The following ATRNL1 variants were observed in gnomAD, a reference collection of about 807,000 sequenced individuals.
ATRNL1 encodes attractin like 1, also known as attractin-like protein 1.
ATRNL1 carries 95 observed loss-of-function variants against 182.7 expected under a neutral mutation model. The observed-to-expected ratio is 0.52, with a 90% CI of 0.44 to 0.62. The LOEUF is 0.62. ATRNL1 is among the 20% of genes least tolerant of loss of function. The pLI, the probability that ATRNL1 is intolerant of heterozygous loss-of-function variation, is 0.00. For synonymous variants in ATRNL1, 576 were observed against 568.3 expected, an observed-to-expected ratio of 1.01 and a Z score of -0.19; for missense variants, 1,471 against 1,679.5, an observed-to-expected ratio of 0.88 and a Z score of 2.17.
In ATRNL1 at chr10:115,686,546, C is replaced by CT. The variant is rs546193834; in HGVS notation, c.3796-40701dup. On this transcript the variant is annotated intron_variant, in intron 26 of 28. Transcript: ENST00000355044. The stretch of plus-strand genomic sequence containing the variant: ...ATGTAAAAGCTAAGTGGCAGATACT[C>CT]TATCTTATTTATCTTTTCATCACTA... 3.9e-4 allele frequency among the ~76,000 whole-genome samples: 59 copies of CT among 152,108 alleles called. 1 individual carries two copies. The South Asian group carries it at 0.012, about 30-fold the overall frequency.
At chr10:115,895,773 T>C (rs1952191159) in intron 28 of ATRNL1, among the ~76,000 whole-genome samples, 1 of 152,190 alleles carries the variant, frequency 6.6e-6, no homozygotes, top group African/African-American at 2.4e-5. Context: ...GAACACCTAA[T>C]TGTATCCAAG....
At chr10:115,117,026 C>T (rs1270851258) in intron 1 of ATRNL1, among the ~76,000 whole-genome samples, 1 of 151,820 alleles carries the variant, frequency 6.6e-6, no homozygotes, top group Non-Finnish European at 1.5e-5. Flanking sequence ...TATGGTAGCT[C>T]CTACAATATA....
At chr10:115,876,960 GTAGACAA>G (rs1951714387) in intron 28 of ATRNL1, among the ~76,000 whole-genome samples, 1 of 152,174 alleles carries the variant, frequency 6.6e-6, no homozygotes, top group African/African-American at 2.4e-5. Context: ...AAAAGGAATA[GTAGACAA>G]TTAGAAGCAT....
chr10:115,379,086 C>G (rs1857840230), intron 19 of ATRNL1, among the ~76,000 whole-genome samples: 1 of 151,496 alleles, frequency 6.6e-6, no homozygotes, highest in African/African-American at 2.4e-5. Flanking sequence ...TTTTTTTATC[C>G]TTATTGTTTG....
At chr10:115,590,882 T>A (rs1037148864) in intron 26 of ATRNL1, among the ~76,000 whole-genome samples, 2 of 152,170 alleles carry the variant, frequency 1.3e-5, no homozygotes, top group Admixed American at 1.3e-4. Context: ...CCTGTGTGAG[T>A]GGCAAATCTT....
chr10:115,362,414 G>A (rs958923026), intron 19 of ATRNL1, among the ~76,000 whole-genome samples: 1 of 151,736 alleles, frequency 6.6e-6, no homozygotes, highest in South Asian at 2.1e-4. Flanking sequence ...ATATATTGTG[G>A]AATGCTTAAA....
intron 28 of ATRNL1, among the ~76,000 whole-genome samples, chr10:115,940,687 CTCTCTCTCTCT>C (rs528791142): frequency 8.5e-3 from 512 of 60,062 alleles, no homozygotes; most frequent in African/African-American, 0.058. Context: ...CTCTCTCTCT[CTCTCTCTCTCT>C]TCTCTCTCTC....
rs1854829863 is a variant in ATRNL1 at position 115,577,985 on chromosome 10, TG to T, written c.3795+28450del. Reference sequence around the variant, plus strand: ...TGAACAGATACTGAACTTTGTCAAATGCTTTTACTGTATCTTTGACTTGATC... The same window carrying T: ...TGAACAGATACTGAACTTTGTCAAATCTTTTACTGTATCTTTGACTTGATC... On this transcript the variant is annotated intron_variant, in intron 26 of 28. Transcript: ENST00000355044. Among the ~76,000 whole-genome samples, 5 of 151,798 alleles carry T rather than the reference TG, an allele frequency of 3.3e-5. No homozygotes were observed. In the South Asian group the frequency reaches 1.0e-3, roughly 31 times the overall value.
At chr10:115,651,663 T>C (rs1555034363) in intron 26 of ATRNL1, among the ~76,000 whole-genome samples, 2 of 152,180 alleles carry the variant, frequency 1.3e-5, no homozygotes. Flanking sequence ...GTGAAACTAA[T>C]ACAGCTTACG....
chr10:115,435,029 C>CT (rs34902658), intron 21 of ATRNL1, among the ~76,000 whole-genome samples: 3,399 of 130,942 alleles, frequency 0.026, 73 homozygotes, highest in African/African-American at 0.044. Context: ...AAACCTGGGA[C>CT]TTTTTTTTTT....
intron 27 of ATRNL1, among the ~76,000 whole-genome samples, chr10:115,749,134 T>C (rs989021421): frequency 6.6e-6 from 1 of 151,956 alleles, no homozygotes; most frequent in Non-Finnish European, 1.5e-5. Context: ...CAAACTAGAA[T>C]AGAATACTAT....
chr10:115,814,724 A>T (rs181847219), intron 27 of ATRNL1, among the ~76,000 whole-genome samples: 1 of 152,296 alleles, frequency 6.6e-6, no homozygotes, highest in Admixed American at 6.5e-5. Context: ...TTGACAAAGC[A>T]CTTTCATTTT....
intron 5 of ATRNL1, among the ~76,000 whole-genome samples, chr10:115,152,337 C>A (rs117297026): frequency 0.21 from 31,833 of 152,122 alleles, 4,278 homozygotes; most frequent in Non-Finnish European, 0.3. Context: ...TTGATTCTCC[C>A]TGTCCACGAG....
chr10:115,279,532 A>G (rs1592371372), intron 13 of ATRNL1, among the ~76,000 whole-genome samples: 1 of 152,310 alleles, frequency 6.6e-6, no homozygotes, highest in Non-Finnish European at 1.5e-5. Context: ...CAAAGCAACC[A>G]TGTTATCTAA....
At chr10:115,261,744 A>C (rs553294624) in intron 10 of ATRNL1, among the ~76,000 whole-genome samples, 2 of 152,236 alleles carry the variant, frequency 1.3e-5, no homozygotes, top group South Asian at 4.1e-4. Context: ...AAAACTGAAC[A>C]TTAGCTGAGT....
intron 8 of ATRNL1, among the ~76,000 whole-genome samples, chr10:115,181,204 G>T (rs1440049945): frequency 6.6e-6 from 1 of 151,816 alleles, no homozygotes; most frequent in African/African-American, 2.4e-5. Flanking sequence ...ACAACTAAAT[G>T]TGCAAATGTT....
At chr10:115,619,371 A>G (rs2804237) in intron 26 of ATRNL1, among the ~76,000 whole-genome samples, 45,468 of 151,960 alleles carry the variant, frequency 0.3, 7,909 homozygotes, top group East Asian at 0.68. Flanking sequence ...AGCCCCTAGT[A>G]CCAGAGGTGC....
chr10:115,576,674 A>G (rs1476262826), intron 26 of ATRNL1, among the ~76,000 whole-genome samples: 3 of 152,064 alleles, frequency 2.0e-5, no homozygotes, highest in African/African-American at 4.8e-5. Flanking sequence ...TTTTCTCCCA[A>G]TCCATTAACT....
intron 26 of ATRNL1, among the ~76,000 whole-genome samples, chr10:115,648,260 C>A (rs1349535891): frequency 6.6e-6 from 1 of 151,998 alleles, no homozygotes. Flanking sequence ...ATGTGAAGGA[C>A]CTCTTCAAGG....
Sources: allele counts gnomAD v4.1 joint callset (sites outside exome capture counted in the v4.1 genomes callset), GRCh38; gene constraint gnomAD v4.1.1; transcripts MANE v1.5; gene names NCBI Gene and HGNC (gene_info 2026-07-23, HGNC 2026-07-21).